The following GPRC5B variants were observed in gnomAD, a reference collection of about 807,000 sequenced individuals.
GPRC5B encodes G protein-coupled receptor class C group 5 member B.
Under a neutral mutation model 30.1 loss-of-function variants are expected in GPRC5B, and 16 were observed. That is an observed-to-expected ratio of 0.53 (90% CI 0.36 to 0.81). The LOEUF (loss-of-function observed/expected upper bound fraction) is 0.81. Ranked by LOEUF, GPRC5B falls within the 30% of genes least tolerant of loss-of-function variation. GPRC5B has a pLI of 0.01. For missense variants in GPRC5B, 428 were observed against 544.7 expected (o/e 0.79, Z 2.13); for synonymous variants, 241 against 239.5 (o/e 1.01, Z -0.06).
In GPRC5B at chr16:19,857,575, C is replaced by T; in HGVS notation, c.*2925G>A. 1 of 361,472 alleles carries T rather than the reference C, an allele frequency of 2.8e-6. No individual in the cohort carries two copies. Among genetic ancestry groups the T allele is most frequent in the Non-Finnish European group, 5.2e-6 (1 of 191,818 alleles). 22.4% of individuals were successfully genotyped at this position (361,472 alleles called of 1,614,324 possible). ...GCTCTTCATCAGTTAATAAAAAGCACCTGCTGAGAACTCCTGTAAGCTGGT... is the reference window on the plus strand; with the variant it reads ...GCTCTTCATCAGTTAATAAAAAGCATCTGCTGAGAACTCCTGTAAGCTGGT... On this transcript the variant is annotated 3_prime_UTR_variant, in exon 4 of 4. Coordinates refer to ENST00000300571, the MANE Select transcript of GPRC5B (RefSeq NM_016235.3).
chr16:19,873,048 G>C (rs368342312), intron 1 of GPRC5B, among the ~76,000 whole-genome samples: 18 of 152,188 alleles, frequency 1.2e-4, no homozygotes, highest in East Asian at 7.7e-4. Context: ...GCTGGGTGCA[G>C]TGAAGAACCG....
At chr16:19,861,117 G>C (rs1234809300) in intron 3 of GPRC5B, among the ~76,000 whole-genome samples, 1 of 114,410 alleles carries the variant, frequency 8.7e-6, no homozygotes, top group African/African-American at 4.2e-5. Context: ...AGAATGCTCA[G>C]GTTGAGTTAT....
chr16:19,885,580 C>G, upstream of GPRC5B: 30 of 1,063,116 alleles, frequency 2.8e-5, no homozygotes, highest in Non-Finnish European at 3.4e-5. This position sits in a 1 kb window ranked among gnomAD's most constrained non-coding sequence, Gnocchi z 5.3. Context: ...TCGCCACCAC[C>G]CCTACCGCAC....
chr16:19,856,706 C>G lies in GPRC5B; in HGVS notation c.*3794G>C, dbSNP rs2056567344. On this transcript the variant is annotated 3_prime_UTR_variant, in exon 4 of 4. Coordinates refer to ENST00000300571, the MANE Select transcript of GPRC5B (RefSeq NM_016235.3). The stretch of plus-strand genomic sequence containing the variant: ...CAAGATAGGATTCATTGCAAACAAG[C>G]TTTAATGCAAATAGTTTAGAAAAGA... 1 of 605,334 alleles carries G rather than the reference C, an allele frequency of 1.7e-6. No individual in the cohort carries two copies. The highest frequency in any genetic ancestry group is 2.9e-6 in the Non-Finnish European group (1 of 346,876). The allele number at this position is 605,334 out of a possible 1,614,324, so 37.5% of individuals were successfully genotyped here.
rs949429384 is a variant in GPRC5B, at chr16:19,859,419, A to G, written c.*1081T>C. 6.6e-6 allele frequency: 1 copy of G among 152,292 alleles called. No homozygotes were observed. The highest frequency in any genetic ancestry group is 1.5e-5 in the Non-Finnish European group (1 of 68,066). 9.4% of individuals were successfully genotyped at this position (152,292 alleles called of 1,614,324 possible). A position where few individuals can be genotyped will look rare whatever the true frequency, so the allele number is the denominator to read the frequency against. On this transcript the variant is annotated 3_prime_UTR_variant, in exon 4 of 4. Coordinates refer to ENST00000300571, the MANE Select transcript of GPRC5B (RefSeq NM_016235.3). Reference sequence around the variant, plus strand: ...CCTCCAAAAGCAACAAGAAACCCTCATGTGATCCATTCCATCCAGGAATTT... The same window carrying G: ...CCTCCAAAAGCAACAAGAAACCCTCGTGTGATCCATTCCATCCAGGAATTT...
chr16:19,881,549 G>A (rs973391721), intron 1 of GPRC5B, among the ~76,000 whole-genome samples: 13 of 152,168 alleles, frequency 8.5e-5, no homozygotes, highest in Non-Finnish European at 1.5e-4. Context: ...TAGGAGGCTG[G>A]GGTGGGCAGA....
At chr16:19,879,829 G>A (rs1242535499) in intron 1 of GPRC5B, among the ~76,000 whole-genome samples, 1 of 152,096 alleles carries the variant, frequency 6.6e-6, no homozygotes, top group Non-Finnish European at 1.5e-5. Flanking sequence ...TTTATATAAG[G>A]TGTCTATTAA....
chr16:19,873,217 C>A (rs969145410), intron 1 of GPRC5B, among the ~76,000 whole-genome samples: 6 of 152,122 alleles, frequency 3.9e-5, no homozygotes, highest in Non-Finnish European at 8.8e-5. Context: ...GTAATCCCAG[C>A]AGTTTGGGAG....
At chr16:19,880,870 G>A (rs2355367) in intron 1 of GPRC5B, 23,209 of 152,296 alleles carry the variant, frequency 0.15, 2,008 homozygotes, top group Non-Finnish European at 0.19. Context: ...GCTGCTACCA[G>A]CACGGCTCCA....
chr16:19,863,614 C>T (rs533207453), intron 2 of GPRC5B, among the ~76,000 whole-genome samples: 2 of 151,232 alleles, frequency 1.3e-5, no homozygotes, highest in East Asian at 3.9e-4. Flanking sequence ...TCTCCTGCCT[C>T]AGCCTCCTGA....
rs140264764 is a variant in GPRC5B at position 19,858,519 on chromosome 16, CAG to C, written c.*1979_*1980del. On this transcript the variant is annotated 3_prime_UTR_variant, in exon 4 of 4. Coordinates refer to ENST00000300571, the MANE Select transcript of GPRC5B (RefSeq NM_016235.3). Reference sequence around the variant, plus strand: ...GGTATCAGAAAGCTCCAAAGGACTCCAGAGAGCGGGGGTGAGTAACCATTTCC... The same window carrying C: ...GGTATCAGAAAGCTCCAAAGGACTCCAGAGCGGGGGTGAGTAACCATTTCC... 6.1e-3 allele frequency: 4,236 copies of C among 694,108 alleles called. 142 individuals are homozygous for C. The African/African-American group carries it at 0.067, about 11-fold the overall frequency. The allele number at this position is 694,108 out of a possible 1,614,324, so 43.0% of individuals were successfully genotyped here.
chr16:19,862,107 C>G, intron 2 of GPRC5B, 134 bp from the exon 3 acceptor site: 1 of 717,606 alleles, frequency 1.4e-6, no homozygotes, highest in South Asian at 1.8e-5. Flanking sequence ...TTGTCACAAG[C>G]CTGATTCAAA....
At chr16:19,870,281 T>G (rs932760554) in intron 2 of GPRC5B, among the ~76,000 whole-genome samples, 1 of 152,176 alleles carries the variant, frequency 6.6e-6, no homozygotes, top group Admixed American at 6.5e-5. Context: ...CTCAGTCTCA[T>G]TCTCCCTGTC....
Position 19,857,451 on chromosome 16 carries a change from T to C in GPRC5B, c.*3049A>G, listed in dbSNP as rs1327222771. The C allele has an allele frequency of 2.3e-6, 1 of 441,392 alleles. No homozygotes were observed. Among genetic ancestry groups the C allele is most frequent in the Non-Finnish European group, 4.5e-6 (1 of 223,512 alleles). The allele number at this position is 441,392 out of a possible 1,614,324, so 27.3% of individuals were successfully genotyped here. Reference sequence around the variant, plus strand: ...TGAAATTTCTTTAACTTCTTTTTTATAAGTATGCAACAGTCAGCCGGGGGA... The same window carrying C: ...TGAAATTTCTTTAACTTCTTTTTTACAAGTATGCAACAGTCAGCCGGGGGA... On this transcript the variant is annotated 3_prime_UTR_variant, in exon 4 of 4. Coordinates refer to ENST00000300571, the MANE Select transcript of GPRC5B (RefSeq NM_016235.3).
At chr16:19,884,316 T>C (rs2056833825) in intron 1 of GPRC5B, among the ~76,000 whole-genome samples, 1 of 150,346 alleles carries the variant, frequency 6.7e-6, no homozygotes, top group Non-Finnish European at 1.5e-5. Flanking sequence ...CTGTCCACAG[T>C]CAGCCCCCAA....
At chr16:19,862,227 G>A (rs2056631367) in intron 2 of GPRC5B, 1 of 438,742 alleles carries the variant, frequency 2.3e-6, no homozygotes, top group Non-Finnish European at 4.1e-6. Flanking sequence ...CCATGGTTGG[G>A]CCTCTGGTTC....
intron 1 of GPRC5B, among the ~76,000 whole-genome samples, chr16:19,883,132 G>A (rs1026554924): frequency 6.6e-6 from 1 of 152,154 alleles, no homozygotes; most frequent in African/African-American, 2.4e-5. Flanking sequence ...CCCCAGCCCC[G>A]GGAGAGCAGG....
Position 19,860,405 on chromosome 16 carries a change from G to C in GPRC5B, c.*95C>G. The C allele has an allele frequency of 1.3e-6, 1 of 782,422 alleles. No homozygotes were observed. Among genetic ancestry groups the C allele is most frequent in the South Asian group, 1.6e-5 (1 of 64,356 alleles). The allele number at this position is 782,422 out of a possible 1,614,324, so 48.5% of individuals were successfully genotyped here. On this transcript the variant is annotated 3_prime_UTR_variant, in exon 4 of 4. Transcript: ENST00000300571. The stretch of plus-strand genomic sequence containing the variant: ...AATTTCCTGGCTGTGAGGCGGCCTG[G>C]TTCGGCAACTGTTACCGATTTCTCC...
intron 2 of GPRC5B, among the ~76,000 whole-genome samples, chr16:19,868,204 A>G (rs170575): frequency 0.37 from 56,554 of 151,290 alleles, 10,970 homozygotes; most frequent in African/African-American, 0.49. Context: ...GAGAAACCCC[A>G]TCTCTACTAA....
Sources: allele counts gnomAD v4.1 joint callset (sites outside exome capture counted in the v4.1 genomes callset), GRCh38; gene constraint gnomAD v4.1.1; non-coding constraint Gnocchi (gnomAD v3.1); transcripts MANE v1.5; gene names NCBI Gene and HGNC (gene_info 2026-07-23, HGNC 2026-07-21).